Variants in ZNF599 observed in about 807,000 individuals in gnomAD.
The protein encoded by ZNF599 is zinc finger protein 599.
ZNF599 carries 10 observed loss-of-function variants against 11.7 expected under a neutral mutation model. The observed-to-expected ratio is 0.86, with a 90% CI of 0.53 to 1.45. The LOEUF (loss-of-function observed/expected upper bound fraction) is 1.45, where lower values mean the gene tolerates loss of function less well. Ranked by LOEUF, ZNF599 falls within the 40% of genes most tolerant of loss-of-function variation. The pLI is 0.00. For synonymous variants in ZNF599, 232 were observed against 253.2 expected (o/e 0.92, Z 0.79); for missense variants, 688 against 713.6 (o/e 0.96, Z 0.41).
chr19:34,772,527 G>A, intron 1 of ZNF599: 1 of 1,327,640 alleles, frequency 7.5e-7, no homozygotes, highest in African/African-American at 1.5e-5. Context: ...CCTCCACAGA[G>A]AAAATTACTG....
the ZNF599 span, among the ~76,000 whole-genome samples, chr19:34,799,515 A>T: frequency 6.6e-6 from 1 of 152,212 alleles, no homozygotes; most frequent in African/African-American, 2.4e-5. Flanking sequence ...ATTATGAAAA[A>T]AATTTGCAAT....
chr19:34,803,980 C>T, the ZNF599 span, among the ~76,000 whole-genome samples: 1 of 152,206 alleles, frequency 6.6e-6, no homozygotes, highest in Admixed American at 6.5e-5. Context: ...CACATGGCAT[C>T]AAGAACATGC....
chr19:34,783,300 G>T, the ZNF599 span, among the ~76,000 whole-genome samples: 2 of 152,376 alleles, frequency 1.3e-5, no homozygotes, highest in African/African-American at 4.8e-5. Context: ...AGAGCAAAGA[G>T]GGAAGCAGGG....
chr19:34,806,818 C>A, the ZNF599 span, among the ~76,000 whole-genome samples: 1 of 152,192 alleles, frequency 6.6e-6, no homozygotes, highest in Admixed American at 6.5e-5. Context: ...GCCCAAAACC[C>A]CACCCTCAAA....
chr19:34,759,686 C>T lies in ZNF599; in HGVS notation c.1115G>A (p.Cys372Tyr). The change falls in exon 4 of 4, where the codon TGT (cysteine) becomes TAT (tyrosine). Residue 372 changes from cysteine (C) to tyrosine (Y), a missense_variant. Cys to Tyr is a radical substitution (Grantham distance 194). Coordinates refer to ENST00000329285, the MANE Select transcript of ZNF599 (RefSeq NM_001007248.3). ...TGAGTTGAGGCAAAAGGTTTTTCCA[C>T]ATTCTTTACATAAAAATGGTTTTTC... is the stretch of plus-strand genomic sequence containing the variant. Reference protein sequence around the residue: ...TGEKPFLCKECGKTFCLNSSF... With the variant: ...TGEKPFLCKEYGKTFCLNSSF... The T allele has an allele frequency of 1.2e-6, 2 of 1,614,212 alleles. No homozygotes were observed. The highest frequency in any genetic ancestry group is 2.2e-5 in the East Asian group (1 of 44,888).
rs112807583 is a variant in ZNF599, at chr19:34,772,446, C to T, written c.18+378G>A. On this transcript the variant is annotated intron_variant, in intron 1 of 3. Transcript: ENST00000329285. ...GACCTAGAGAGTCCTTCTTCAAAGA[C>T]GGCACCTAGAGTGATGCTCTCCGAG... 9 of 1,075,622 alleles carry T rather than the reference C, an allele frequency of 8.4e-6. No individual in the cohort carries two copies. The African/African-American group carries it at 9.9e-5, about 12-fold the overall frequency. 66.6% of individuals were successfully genotyped at this position (1,075,622 alleles called of 1,614,324 possible). A position where few individuals can be genotyped will look rare whatever the true frequency, so the allele number is the denominator to read the frequency against.
At chr19:34,778,737 C>G in the ZNF599 span, among the ~76,000 whole-genome samples, 1 of 152,138 alleles carries the variant, frequency 6.6e-6, no homozygotes, top group Middle Eastern at 3.2e-3. Context: ...AAAAATATTT[C>G]TCAACTTAGC....
At chr19:34,801,801 G>A in the ZNF599 span, among the ~76,000 whole-genome samples, 1 of 152,202 alleles carries the variant, frequency 6.6e-6, no homozygotes, top group Non-Finnish European at 1.5e-5. Context: ...GGACTTATTT[G>A]GCACAAGAAA....
chr19:34,777,459 A>AATATATGATATATATTAATTAATATATC (rs2069225775), upstream of ZNF599, among the ~76,000 whole-genome samples: 1 of 98,362 alleles, frequency 1.0e-5, no homozygotes, highest in African/African-American at 4.2e-5. Context: ...ATTAATATAT[A>AATATATGATATATATTAATTAATATATC]ATATATTATA....
At chr19:34,774,754 A>G (rs542894448), upstream of ZNF599, among the ~76,000 whole-genome samples, 1 of 152,294 alleles carries the variant, frequency 6.6e-6, no homozygotes, top group South Asian at 2.1e-4. Context: ...TAATGCGAGA[A>G]GCCAAAATCT....
At chr19:34,765,501 C>T in intron 3 of ZNF599, 1 of 695,198 alleles carries the variant, frequency 1.4e-6, no homozygotes. Context: ...ATGTTTTCAG[C>T]TGCAGGGTTT....
chr19:34,779,916 T>C, the ZNF599 span: 1 of 158,178 alleles, frequency 6.3e-6, no homozygotes, highest in Non-Finnish European at 1.4e-5. Flanking sequence ...GCACATGGTA[T>C]GCTCTTCTGT....
At position 34,759,230 on chromosome 19, in the gene ZNF599, C is replaced by T. The variant is rs758903168; in HGVS notation, c.1571G>A (p.Arg524Gln). The change falls in exon 4 of 4, where the codon CGG (arginine) becomes CAG (glutamine). Residue 524 changes from arginine to glutamine, a missense_variant. By Grantham distance (43) the Arg-to-Gln change is conservative. Coordinates refer to ENST00000329285, the MANE Select transcript of ZNF599 (RefSeq NM_001007248.3). ...TTCTCCAGTGTGGATCCTATTATGCCGAACAAAATTTGCAGGTTGGGTAAA... is the reference window on the plus strand; with the variant it reads ...TTCTCCAGTGTGGATCCTATTATGCTGAACAAAATTTGCAGGTTGGGTAAA... ...KAFTQPANFV[R>Q]HNRIHTGEKP... 2.5e-5 allele frequency: 40 copies of T among 1,613,764 alleles called. No individual in the cohort carries two copies. The highest frequency in any genetic ancestry group is 1.6e-4 in the East Asian group (7 of 44,856).
At chr19:34,785,515 C>T in the ZNF599 span, among the ~76,000 whole-genome samples, 1 of 152,152 alleles carries the variant, frequency 6.6e-6, no homozygotes, top group Non-Finnish European at 1.5e-5. Flanking sequence ...CTGCCTTCTG[C>T]CCCCTGCTCT....
In ZNF599 at chr19:34,759,254, A is replaced by G; in HGVS notation, c.1547T>C (p.Phe516Ser). The change falls in exon 4 of 4, where the codon TTT becomes TCT. Residue 516 changes from phenylalanine to serine, a missense_variant. Transcript: ENST00000329285. ...PYVCRECGKA[F>S]TQPANFVRHN... ...CCGAACAAAATTTGCAGGTTGGGTA[A>G]AAGCCTTTCCACATTCTCTACAAAC... The G allele has an allele frequency of 6.2e-7, 1 of 1,614,226 alleles. No homozygotes were observed. Among genetic ancestry groups the G allele is most frequent in the Non-Finnish European group, 8.5e-7 (1 of 1,180,036 alleles).
At chr19:34,790,244 A>C in the ZNF599 span, among the ~76,000 whole-genome samples, 2 of 152,166 alleles carry the variant, frequency 1.3e-5, no homozygotes, top group Non-Finnish European at 2.9e-5. Context: ...TTTACATTCA[A>C]AGGACTTTCC....
chr19:34,790,591 A>G, the ZNF599 span, among the ~76,000 whole-genome samples: 1 of 152,178 alleles, frequency 6.6e-6, no homozygotes, highest in East Asian at 1.9e-4. Context: ...AGAGAGCGGA[A>G]GGCCTGGGGG....
chr19:34,760,296 G>A lies in ZNF599; in HGVS notation c.505C>T (p.Gln169Ter). The change falls in exon 4 of 4, where the codon CAG (glutamine) becomes TAG (stop). Residue 169 changes from glutamine to a stop codon, truncating the protein, a stop_gained. Transcript: ENST00000329285. LOFTEE classifies it low-confidence loss of function (END_TRUNC). Reference sequence around the variant, plus strand: ...GCATCTTGTGGAGTGACTCGTTCCTGTAAAACCCTTAAGCCCAGACTATCA... The same window carrying A: ...GCATCTTGTGGAGTGACTCGTTCCTATAAAACCCTTAAGCCCAGACTATCA... ...PDDSLGLRVL[Q>*]ERVTPQDALH... is the part of the protein sequence containing the mutation. 3.1e-6 allele frequency: 5 copies of A among 1,614,172 alleles called. No individual in the cohort carries two copies. Among genetic ancestry groups the A allele is most frequent in the Non-Finnish European group, 4.2e-6 (5 of 1,180,036 alleles).
the ZNF599 span, among the ~76,000 whole-genome samples, chr19:34,800,585 T>TG: frequency 2.7e-5 from 2 of 73,112 alleles, no homozygotes; most frequent in Admixed American, 1.9e-4. Flanking sequence ...GCATTTCCTT[T>TG]GTTTTTTTTT....
Sources: gnomAD v4.1 joint callset for allele counts (sites outside exome capture counted in the v4.1 genomes callset) on GRCh38, gnomAD v4.1.1 for gene constraint, MANE v1.5 for transcripts, NCBI Gene and HGNC (gene_info 2026-07-23, HGNC 2026-07-21) for gene names.